RASGRP1: variants seen among roughly 807,000 people sequenced by gnomAD.
The protein encoded by RASGRP1 is RAS guanyl-releasing protein 1.
RASGRP1 carries 37 observed loss-of-function variants against 95.1 expected under a neutral mutation model. The ratio of observed to expected loss-of-function variants is 0.39; its 90% confidence interval spans 0.30 to 0.51. RASGRP1 has a LOEUF of 0.51. Ranked by LOEUF, RASGRP1 falls within the 20% of genes least tolerant of loss-of-function variation. The pLI, the probability that RASGRP1 is intolerant of heterozygous loss-of-function variation, is 0.80. For missense variants in RASGRP1, 711 were observed against 965.4 expected, an observed-to-expected ratio of 0.74 and a Z score of 3.49; for synonymous variants, 325 against 353.4, an observed-to-expected ratio of 0.92 and a Z score of 0.90.
intron 1 of RASGRP1, among the ~76,000 whole-genome samples, chr15:38,560,867 A>G (rs1893778147): frequency 6.6e-6 from 1 of 152,152 alleles, no homozygotes; most frequent in South Asian, 2.1e-4. Flanking sequence ...AGTCCAATGG[A>G]CTTTCATCTA....
chr15:38,501,057 A>G, intron 13 of RASGRP1, 86 bp downstream of exon 13: 2 of 1,424,988 alleles, frequency 1.4e-6, no homozygotes, highest in Non-Finnish European at 1.9e-6. Flanking sequence ...GGATGGGTTC[A>G]TAAGGATTGT....
intron 8 of RASGRP1, among the ~76,000 whole-genome samples, chr15:38,509,341 C>A (rs1891401553): frequency 6.6e-6 from 1 of 152,130 alleles, no homozygotes; most frequent in Non-Finnish European, 1.5e-5. Context: ...ACCAAGACGG[C>A]TACTTAGTGA....
chr15:38,490,955 A>G (rs1244516546), intron 16 of RASGRP1, among the ~76,000 whole-genome samples: 1 of 152,204 alleles, frequency 6.6e-6, no homozygotes, highest in Non-Finnish European at 1.5e-5. Context: ...CAATAGGTAG[A>G]TAATGACAAA....
Position 38,490,050 on chromosome 15 carries a change from G to A in RASGRP1, c.*504C>T. 1 of 152,664 alleles carries A rather than the reference G, an allele frequency of 6.6e-6. No individual in the cohort carries two copies. The highest frequency in any genetic ancestry group is 3.4e-3 in the Middle Eastern group (1 of 294). 9.5% of individuals were successfully genotyped at this position (152,664 alleles called of 1,614,324 possible). A position where few individuals can be genotyped will look rare whatever the true frequency, so the allele number is the denominator to read the frequency against. On this transcript the variant is annotated 3_prime_UTR_variant, in exon 17 of 17. Transcript: ENST00000310803. Reference sequence around the variant, plus strand: ...GGAGGGTACATGGACTAATTGATTAGATCTGAGGTAGTGAAGAAGGAGCCA... The same window carrying A: ...GGAGGGTACATGGACTAATTGATTAAATCTGAGGTAGTGAAGAAGGAGCCA...
At chr15:38,557,830 A>C (rs1226396159) in intron 2 of RASGRP1, among the ~76,000 whole-genome samples, 1 of 152,124 alleles carries the variant, frequency 6.6e-6, no homozygotes, top group Non-Finnish European at 1.5e-5. Flanking sequence ...TGGGATTTTA[A>C]GCCATTGTTT....
chr15:38,516,059 C>T, intron 6 of RASGRP1, 138 bp downstream of exon 6: 3 of 996,008 alleles, frequency 3.0e-6, no homozygotes, highest in South Asian at 1.7e-5. Flanking sequence ...TTTTTTCAGA[C>T]TCTATGATGT....
At chr15:38,513,794 T>C (rs1304211068) in intron 6 of RASGRP1, among the ~76,000 whole-genome samples, 3 of 152,370 alleles carry the variant, frequency 2.0e-5, no homozygotes, top group Middle Eastern at 3.4e-3. Context: ...TGGAAGTCTT[T>C]GGTGCTTTTC....
intron 12 of RASGRP1, 28 bp downstream of exon 12, chr15:38,502,284 C>T (rs371737536): frequency 6.4e-5 from 95 of 1,489,268 alleles, no homozygotes; most frequent in Non-Finnish European, 8.8e-5. Context: ...GGGCTCATAA[C>T]CACATATTCC....
intron 2 of RASGRP1, among the ~76,000 whole-genome samples, chr15:38,551,927 T>G (rs761507362): frequency 6.6e-6 from 1 of 152,202 alleles, no homozygotes; most frequent in African/African-American, 2.4e-5. Flanking sequence ...CAGTAGTGCC[T>G]GTTACCATGC....
At chr15:38,536,039 G>A (rs1238110377) in intron 2 of RASGRP1, among the ~76,000 whole-genome samples, 1 of 152,196 alleles carries the variant, frequency 6.6e-6, no homozygotes, top group Non-Finnish European at 1.5e-5. Context: ...CTGGGACAAC[G>A]CTATGACTTC....
intron 9 of RASGRP1, among the ~76,000 whole-genome samples, chr15:38,506,754 A>G (rs1247278085): frequency 6.6e-6 from 1 of 152,220 alleles, no homozygotes; most frequent in African/African-American, 2.4e-5. Context: ...ATAGGCTTCA[A>G]GGATTTCAGA....
intron 3 of RASGRP1, among the ~76,000 whole-genome samples, chr15:38,521,746 T>A (rs1219947630): frequency 6.6e-6 from 1 of 152,208 alleles, no homozygotes; most frequent in African/African-American, 2.4e-5. Context: ...CAGTTCTGAC[T>A]GTACTTTTCA....
chr15:38,512,777 A>T lies in RASGRP1; in HGVS notation c.849+6T>A, dbSNP rs759471478. On this transcript the variant is annotated splice_donor_region_variant and intron_variant, in intron 7 of 16. Coordinates refer to ENST00000310803, the MANE Select transcript of RASGRP1 (RefSeq NM_005739.4). ...CCAAGCCAAATGTCTTAAACCAGTTATTCACCTGAGCCACCTGGATGAACT... is the reference window on the plus strand; with the variant it reads ...CCAAGCCAAATGTCTTAAACCAGTTTTTCACCTGAGCCACCTGGATGAACT... 6.2e-7 allele frequency: 1 copy of T among 1,613,596 alleles called. No individual in the cohort carries two copies. Among genetic ancestry groups the T allele is most frequent in the South Asian group, 1.1e-5 (1 of 91,074 alleles).
intron 15 of RASGRP1, among the ~76,000 whole-genome samples, chr15:38,496,410 C>CT (rs1480635829): frequency 2.0e-5 from 3 of 152,176 alleles, no homozygotes; most frequent in Non-Finnish European, 4.4e-5. Context: ...GGAGAAATCT[C>CT]TAACAACTGC....
Position 38,507,923 on chromosome 15 carries a change from C to G in RASGRP1, c.1045G>C (p.Asp349His). The change falls in exon 9 of 17, where the codon GAC (aspartate) becomes CAC (histidine). Residue 349 changes from aspartate (D) to histidine (H), a missense_variant. By Grantham distance (81) the Asp-to-His change is moderately conservative (BLOSUM62 -1). Transcript: ENST00000310803. ...NYRRAYGECT[D>H]FKIPILGVHL... ...ACACCCAGAATGGGGATCTTGAAGT[C>G]GGTGCACTCTCCATAGGCTCGCCGG... The G allele has an allele frequency of 6.2e-7, 1 of 1,613,104 alleles. No homozygotes were observed. Among genetic ancestry groups the G allele is most frequent in the Non-Finnish European group, 8.5e-7 (1 of 1,179,624 alleles).
intron 5 of RASGRP1, among the ~76,000 whole-genome samples, chr15:38,517,768 C>T (rs893989163): frequency 2.6e-5 from 4 of 152,186 alleles, no homozygotes; most frequent in Non-Finnish European, 1.5e-5. Flanking sequence ...GAAAGGCACT[C>T]ATTTTCCCAG....
At chr15:38,559,654 C>T (rs1009339839) in intron 2 of RASGRP1, among the ~76,000 whole-genome samples, 167 bp downstream of exon 2, 1 of 152,254 alleles carries the variant, frequency 6.6e-6, no homozygotes, top group Non-Finnish European at 1.5e-5. Context: ...ATTACACCCA[C>T]ATAGTCATGT....
At chr15:38,549,846 A>G (rs1893258601) in intron 2 of RASGRP1, among the ~76,000 whole-genome samples, 2 of 152,050 alleles carry the variant, frequency 1.3e-5, no homozygotes, top group Admixed American at 1.3e-4. Flanking sequence ...AGTAGTTAAC[A>G]TGGCTTCCTT....
chr15:38,553,527 CCT>C (rs1893420747), intron 2 of RASGRP1, among the ~76,000 whole-genome samples: 1 of 152,174 alleles, frequency 6.6e-6, no homozygotes, highest in South Asian at 2.1e-4. Flanking sequence ...CTACTGTAGT[CCT>C]CTGACCCATG....
Sources: gnomAD v4.1 joint callset for allele counts (sites outside exome capture counted in the v4.1 genomes callset) on GRCh38, gnomAD v4.1.1 for gene constraint, MANE v1.5 for transcripts, NCBI Gene and HGNC (gene_info 2026-07-23, HGNC 2026-07-21) for gene names.